The following NRXN3 variants were observed in gnomAD, a reference collection of about 807,000 sequenced individuals.
NRXN3 encodes neurexin III.
Under a neutral mutation model 137.6 loss-of-function variants are expected in NRXN3, and 32 were observed. That is an observed-to-expected ratio of 0.23 (90% CI 0.18 to 0.31). The LOEUF (loss-of-function observed/expected upper bound fraction) is 0.31, where lower values mean the gene tolerates loss of function less well. Ranked by LOEUF, NRXN3 falls within the 10% of genes least tolerant of loss-of-function variation. The probability of loss-of-function intolerance (pLI) is 1.00; values close to 1 mark genes in which losing one functional copy is unlikely to be tolerated. For synonymous variants in NRXN3, 798 were observed against 784.5 expected, an observed-to-expected ratio of 1.02 and a Z score of -0.29; for missense variants, 1,574 against 2,062.5, an observed-to-expected ratio of 0.76 and a Z score of 4.59.
At chr14:78,970,114 A>C (rs986837097) in intron 14 of NRXN3, among the ~76,000 whole-genome samples, 39 of 152,216 alleles carry the variant, frequency 2.6e-4, no homozygotes, top group African/African-American at 9.4e-4. Flanking sequence ...ATATAAGAGC[A>C]CATATTAGAA....
chr14:78,281,518 G>C (rs766461359), intron 3 of NRXN3, among the ~76,000 whole-genome samples: 19 of 152,172 alleles, frequency 1.2e-4, no homozygotes, highest in Non-Finnish European at 1.2e-4. Context: ...ACAGGTTAGG[G>C]ACTTGGAGCA....
chr14:79,695,845 G>A (rs1052050227), intron 18 of NRXN3, among the ~76,000 whole-genome samples: 2 of 151,932 alleles, frequency 1.3e-5, no homozygotes, highest in African/African-American at 2.4e-5. Context: ...TGTTTTGATT[G>A]CATCCTTGGG....
intron 10 of NRXN3, among the ~76,000 whole-genome samples, chr14:78,889,623 A>T (rs539389199): frequency 8.5e-5 from 13 of 152,140 alleles, no homozygotes; most frequent in South Asian, 8.3e-4. Context: ...AGAGTACCTG[A>T]TAAGAGCTGG....
At chr14:79,365,356 A>G (rs1328417201) in intron 15 of NRXN3, among the ~76,000 whole-genome samples, 1 of 152,140 alleles carries the variant, frequency 6.6e-6, no homozygotes, top group Non-Finnish European at 1.5e-5. Context: ...TACCCCAAAC[A>G]TATTTATTTG....
intron 15 of NRXN3, among the ~76,000 whole-genome samples, chr14:79,368,460 AT>A (rs2093978019): frequency 1.3e-5 from 2 of 152,168 alleles, no homozygotes; most frequent in Admixed American, 1.3e-4. Context: ...TGTCTTCCTA[AT>A]TTTTACTTTA....
At chr14:79,244,598 C>T (rs2074876577) in intron 15 of NRXN3, among the ~76,000 whole-genome samples, 1 of 152,068 alleles carries the variant, frequency 6.6e-6, no homozygotes, top group Admixed American at 6.6e-5. Flanking sequence ...TTGATAGGAG[C>T]AAGTTGGACT....
At chr14:78,785,187 A>G (rs2098785103) in intron 8 of NRXN3, among the ~76,000 whole-genome samples, 1 of 152,226 alleles carries the variant, frequency 6.6e-6, no homozygotes, top group Non-Finnish European at 1.5e-5. Context: ...GGATGGTACA[A>G]TAATGTGGGA....
intron 4 of NRXN3, among the ~76,000 whole-genome samples, chr14:78,457,395 G>A (rs1297727287): frequency 3.3e-5 from 5 of 152,136 alleles, no homozygotes. Context: ...GATGATGGTG[G>A]AAAGATGCAA....
In NRXN3 at chr14:79,608,763, C is replaced by G. The variant is rs565321203; in HGVS notation, c.3445-55015C>G. Among the ~76,000 whole-genome samples the G allele has an allele frequency of 9.9e-5, 15 of 152,110 alleles. No individual in the cohort carries two copies. In the South Asian group the frequency reaches 2.1e-3, roughly 21 times the overall value. On this transcript the variant is annotated intron_variant, in intron 16 of 20. Transcript: ENST00000335750. ...TTCCAAAGACATGTAAACTGAAAAA[C>G]ACCTGTCCCCATTTGTTGATTTTTT...
At chr14:78,947,089 G>A (rs2099366907) in intron 10 of NRXN3, among the ~76,000 whole-genome samples, 1 of 152,186 alleles carries the variant, frequency 6.6e-6, no homozygotes, top group Non-Finnish European at 1.5e-5. Flanking sequence ...TAGAGTGATA[G>A]TTCTGCTAAT....
At chr14:79,731,764 G>A (rs992215171) in intron 19 of NRXN3, among the ~76,000 whole-genome samples, 4 of 151,406 alleles carry the variant, frequency 2.6e-5, no homozygotes, top group East Asian at 1.9e-4. Flanking sequence ...GATTACAGGC[G>A]TGAGCCACTG....
chr14:78,406,351 C>G (rs891946104), intron 4 of NRXN3, among the ~76,000 whole-genome samples: 1 of 152,182 alleles, frequency 6.6e-6, no homozygotes, highest in Non-Finnish European at 1.5e-5. Context: ...ACCCTACCCC[C>G]CCGGAAGCTG....
At chr14:79,606,235 C>T (rs990601865) in intron 16 of NRXN3, among the ~76,000 whole-genome samples, 2 of 151,936 alleles carry the variant, frequency 1.3e-5, no homozygotes, top group African/African-American at 4.8e-5. Flanking sequence ...ACCATGAAGG[C>T]CAAAATAAAT....
chr14:78,548,307 AC>A, intron 4 of NRXN3, among the ~76,000 whole-genome samples: 1 of 152,272 alleles, frequency 6.6e-6, no homozygotes, highest in South Asian at 2.1e-4. Context: ...TCAATAATTA[AC>A]CATTTTTAGT....
intron 15 of NRXN3, among the ~76,000 whole-genome samples, chr14:79,115,123 T>C (rs1211176171): frequency 6.6e-6 from 1 of 151,968 alleles, no homozygotes; most frequent in African/African-American, 2.4e-5. Context: ...GTCAGGATTT[T>C]GAGACCAGCC....
chr14:78,966,496 C>A (rs1254829527), intron 12 of NRXN3, 90 bp downstream of exon 12: 2 of 1,325,938 alleles, frequency 1.5e-6, no homozygotes, highest in Non-Finnish European at 2.1e-6. Flanking sequence ...CTTGTCTATT[C>A]TACTCCCTAC....
chr14:79,322,337 C>T (rs2090168267), intron 15 of NRXN3, among the ~76,000 whole-genome samples: 1 of 152,086 alleles, frequency 6.6e-6, no homozygotes, highest in Non-Finnish European at 1.5e-5. Context: ...ACAGAGTTTA[C>T]AGGAGGACAC....
Position 79,588,234 on chromosome 14 carries a change from T to C in NRXN3, c.3445-75544T>C, listed in dbSNP as rs547358547. ...ATGTCTCTCTAATGCTGAACTGTTA[T>C]ATAACCTGTGGTCTATCTGACTACC... On this transcript the variant is annotated intron_variant, in intron 16 of 20. Coordinates refer to ENST00000335750, the MANE Select transcript of NRXN3 (RefSeq NM_001330195.2). Among the ~76,000 whole-genome samples, 6 of 152,348 alleles carry C rather than the reference T, an allele frequency of 3.9e-5. No homozygotes were observed. The East Asian group carries it at 7.7e-4, about 20-fold the overall frequency.
intron 15 of NRXN3, among the ~76,000 whole-genome samples, chr14:79,234,799 G>C (rs909172248): frequency 1.3e-5 from 2 of 151,780 alleles, no homozygotes; most frequent in African/African-American, 4.8e-5. Flanking sequence ...AAATTCACTT[G>C]ACCATTCACT....
Sources: allele counts gnomAD v4.1 joint callset (sites outside exome capture counted in the v4.1 genomes callset), GRCh38; gene constraint gnomAD v4.1.1; transcripts MANE v1.5; gene names NCBI Gene and HGNC (gene_info 2026-07-23, HGNC 2026-07-21).